SEC14L5: variants seen among roughly 807,000 people sequenced by gnomAD.
The protein encoded by SEC14L5 is SEC14-like protein 5.
SEC14L5 carries 96 observed loss-of-function variants against 84.6 expected under a neutral mutation model. The ratio of observed to expected loss-of-function variants is 1.13; its 90% CI spans 0.96 to 1.34. SEC14L5 has a LOEUF of 1.34. Among genes scored for constraint, SEC14L5 ranks in the 40% most tolerant of loss-of-function variants. The probability of loss-of-function intolerance (pLI) is 0.00; values close to 1 mark genes in which losing one functional copy is unlikely to be tolerated. For synonymous variants in SEC14L5, 546 were observed against 383.4 expected (o/e 1.42, Z -4.95); for missense variants, 1,224 against 942.5 (o/e 1.30, Z -3.91).
At chr16:5,008,378 C>T (rs1596644477) in intron 13 of SEC14L5, 43 bp from the exon 14 acceptor site, 2 of 1,447,862 alleles carry the variant, frequency 1.4e-6, no homozygotes, top group Non-Finnish European at 1.9e-6. Flanking sequence ...CCCAGCTCTA[C>T]TCTCTCGGCC....
At chr16:4,972,027 C>CTTT (rs775419037) in intron 2 of SEC14L5, among the ~76,000 whole-genome samples, 1 of 145,760 alleles carries the variant, frequency 6.9e-6, no homozygotes, top group Non-Finnish European at 1.5e-5. Context: ...GTGGCTTATT[C>CTTT]TTTTTTTTTT....
In SEC14L5 at chr16:5,011,141, A is replaced by G. The variant is rs1052019427; in HGVS notation, c.1847A>G (p.Gln616Arg). 2 of 1,611,944 alleles carry G rather than the reference A, an allele frequency of 1.2e-6. No homozygotes were observed. The highest frequency in any genetic ancestry group is 1.7e-6 in the Non-Finnish European group (2 of 1,179,154). Residue 616 changes from glutamine to arginine, a missense_variant, in exon 15 of 16, where the codon CAA becomes CGA. Coordinates refer to ENST00000251170, the MANE Select transcript of SEC14L5 (RefSeq NM_014692.2). ...CCCGGCGTCTACCTGCTCCAGTGGC[A>G]AATGCACAGCCCCCCCAGCAGCGTG... The part of the protein sequence containing the change: ...RWPGVYLLQW[Q>R]MHSPPSSVAC...
At chr16:4,982,267 T>C (rs1486875491) in intron 2 of SEC14L5, among the ~76,000 whole-genome samples, 1 of 152,138 alleles carries the variant, frequency 6.6e-6, no homozygotes, top group Non-Finnish European at 1.5e-5. Context: ...AGGAGGTGTC[T>C]GTCCTCAGAT....
intron 2 of SEC14L5, among the ~76,000 whole-genome samples, chr16:4,971,185 G>C (rs868362206): frequency 6.6e-6 from 1 of 152,140 alleles, no homozygotes; most frequent in Non-Finnish European, 1.5e-5. Context: ...GGCCAGGGGC[G>C]GTGGCTTACG....
At chr16:4,961,149 T>A (rs1353482240) in intron 2 of SEC14L5, among the ~76,000 whole-genome samples, 4 of 151,192 alleles carry the variant, frequency 2.6e-5, no homozygotes, top group African/African-American at 7.3e-5. Context: ...GGCGCGCACC[T>A]GTAGTCCCAT....
rs762485231 is a variant in SEC14L5, at chr16:4,996,839, C to G, written c.781-16C>G. 7 of 1,600,808 alleles carry G rather than the reference C, an allele frequency of 4.4e-6. No homozygotes were observed. The African/African-American group carries it at 6.7e-5, about 15-fold the overall frequency. On this transcript the variant is annotated splice_polypyrimidine_tract_variant and intron_variant, in intron 7 of 15. Coordinates refer to ENST00000251170, the MANE Select transcript of SEC14L5 (RefSeq NM_014692.2). ...GGGATACCGTTCTGTGGGCTTTTTA[C>G]TTCTTTGTCTCTCAGATTCCCAAAG...
Position 5,011,104 on chromosome 16 carries a change from G to A in SEC14L5, c.1810G>A (p.Val604Met), listed in dbSNP as rs759075716. The change falls in exon 15 of 16, where the codon GTG becomes ATG. Residue 604 changes from valine to methionine, a missense_variant. Transcript: ENST00000251170. ...REGESIQGSH[V>M]TRWPGVYLLQ... is the part of the protein sequence containing the mutation. ...GGCTGATGTGTTTCAGGGCTCCCATGTGACCCGGTGGCCCGGCGTCTACCT... is the reference window on the plus strand; with the variant it reads ...GGCTGATGTGTTTCAGGGCTCCCATATGACCCGGTGGCCCGGCGTCTACCT... 6 of 1,601,292 alleles carry A rather than the reference G, an allele frequency of 3.7e-6. No homozygotes were observed. The highest frequency in any genetic ancestry group is 5.1e-6 in the Non-Finnish European group (6 of 1,174,194).
chr16:4,994,778 G>A (rs754652556), intron 6 of SEC14L5, among the ~76,000 whole-genome samples: 2 of 151,532 alleles, frequency 1.3e-5, no homozygotes, highest in African/African-American at 2.4e-5. Context: ...TGCACAGGTC[G>A]CTCCTTCCTT....
chr16:4,967,902 C>G (rs1010167638), intron 2 of SEC14L5, among the ~76,000 whole-genome samples: 5 of 149,868 alleles, frequency 3.3e-5, no homozygotes, highest in African/African-American at 9.8e-5. Context: ...CACACCTGGC[C>G]TCCTTCCTTC....
intron 2 of SEC14L5, among the ~76,000 whole-genome samples, chr16:4,976,864 AG>A (rs1955347424): frequency 1.3e-5 from 2 of 152,210 alleles, no homozygotes; most frequent in South Asian, 4.1e-4. Flanking sequence ...GGAGAGGCTC[AG>A]GTCTCATTTG....
intron 15 of SEC14L5, among the ~76,000 whole-genome samples, chr16:5,012,598 C>T (rs1955818199): frequency 6.6e-6 from 1 of 152,216 alleles, no homozygotes. Flanking sequence ...AGTCCGTTTC[C>T]ACACTGTGAG....
intron 2 of SEC14L5, among the ~76,000 whole-genome samples, chr16:4,969,566 C>G (rs1955249317): frequency 6.6e-6 from 1 of 151,978 alleles, no homozygotes; most frequent in Admixed American, 6.6e-5. Flanking sequence ...GCATTTTTAG[C>G]AGAGATGGGG....
At chr16:4,961,478 A>G (rs1343114286) in intron 2 of SEC14L5, among the ~76,000 whole-genome samples, 1 of 152,080 alleles carries the variant, frequency 6.6e-6, no homozygotes. Flanking sequence ...ACAGATGCAC[A>G]CCACCATGCC....
In SEC14L5 at chr16:4,997,126, TCTCA is replaced by T. The variant is rs1247197441; in HGVS notation, c.970+86_970+89del. 3 of 1,010,402 alleles carry T rather than the reference TCTCA, an allele frequency of 3.0e-6. No individual in the cohort carries two copies. In the African/African-American group the frequency reaches 5.0e-5, roughly 17 times the overall value. 62.6% of individuals were successfully genotyped at this position (1,010,402 alleles called of 1,614,324 possible). On this transcript the variant is annotated intron_variant, in intron 8 of 15. Transcript: ENST00000251170. The stretch of plus-strand genomic sequence containing the variant: ...CTTTATTTATTATTTTGAGATGGGG[TCTCA>T]CTCTGTCACCCAGGCTGGAGTGCAG...
At chr16:5,000,827 G>T (rs1200369220) in intron 9 of SEC14L5, 28 bp from the exon 10 acceptor site, 3 of 1,588,116 alleles carry the variant, frequency 1.9e-6, no homozygotes, top group South Asian at 1.1e-5. Context: ...CGAGGCGGAC[G>T]TTGAGCAGCA....
At chr16:5,002,992 G>A (rs1955693156) in intron 10 of SEC14L5, among the ~76,000 whole-genome samples, 1 of 152,232 alleles carries the variant, frequency 6.6e-6, no homozygotes, top group South Asian at 2.1e-4. Flanking sequence ...GCTTAGCATT[G>A]CAATAATGGA....
chr16:4,961,097 C>G (rs1291349625), intron 2 of SEC14L5, among the ~76,000 whole-genome samples: 1 of 152,048 alleles, frequency 6.6e-6, no homozygotes, highest in Non-Finnish European at 1.5e-5. Context: ...CGGTGAAACC[C>G]CAACTCAACT....
intron 10 of SEC14L5, among the ~76,000 whole-genome samples, chr16:5,002,590 A>G (rs1014572634): frequency 3.3e-5 from 5 of 152,182 alleles, no homozygotes; most frequent in Admixed American, 2.6e-4. Flanking sequence ...CCGGAAGCAT[A>G]ATTCACCCCA....
Position 5,003,653 on chromosome 16 carries a change from C to G in SEC14L5, c.1302+80C>G, listed in dbSNP as rs1955701671. ...GGTTCCGTCTGCAAGCAGCTCTGCT[C>G]TCTTTTCCTGTTTCATTTCATTTAG... On this transcript the variant is annotated intron_variant, in intron 11 of 15. Coordinates refer to ENST00000251170, the MANE Select transcript of SEC14L5 (RefSeq NM_014692.2). The G allele has an allele frequency of 1.1e-5, 10 of 923,736 alleles. 1 individual carries two copies. Among genetic ancestry groups the G allele is most frequent in the Middle Eastern group, 3.0e-4 (1 of 3,308 alleles). The allele number at this position is 923,736 out of a possible 1,614,324, so 57.2% of individuals were successfully genotyped here.
Sources: gnomAD v4.1 joint callset for allele counts (sites outside exome capture counted in the v4.1 genomes callset) on GRCh38, gnomAD v4.1.1 for gene constraint, MANE v1.5 for transcripts, NCBI Gene and HGNC (gene_info 2026-07-23, HGNC 2026-07-21) for gene names.